Variants in SATB2 observed in about 807,000 individuals in gnomAD.
SATB2 encodes the protein SATB homeobox 2.
Under a neutral mutation model 73.4 loss-of-function variants are expected in SATB2, and 1 was observed. That is an observed-to-expected ratio of 0.01 (90% CI 0.00 to 0.06). The LOEUF is 0.06. Ranked by LOEUF, SATB2 falls within the 10% of genes least tolerant of loss-of-function variation. SATB2 has a pLI of 1.00. For synonymous variants in SATB2, 397 were observed against 367.0 expected (o/e 1.08, Z -0.93); for missense variants, 459 against 945.8 (o/e 0.49, Z 6.75).
At chr2:199,430,090 G>A (rs1473931963) in intron 3 of SATB2, among the ~76,000 whole-genome samples, 1 of 152,180 alleles carries the variant, frequency 6.6e-6, no homozygotes. Context: ...CAATATGAAT[G>A]AATAGCTACT....
rs1559153763 is a variant in SATB2 at position 199,308,560 on chromosome 2, A to G, written c.1740+200T>C. Among the ~76,000 whole-genome samples the G allele has an allele frequency of 1.3e-5, 2 of 151,438 alleles. No individual in the cohort carries two copies. The highest frequency in any genetic ancestry group is 2.9e-5 in the Non-Finnish European group (2 of 68,028). ...TCTTTGTGTGTGCATACACACACAC[A>G]CACGCACGCACATGCACACACACAC... is the stretch of plus-strand genomic sequence containing the variant. On this transcript the variant is annotated intron_variant, in intron 10 of 10. Transcript: ENST00000417098. This position sits in a 1 kb window ranked among gnomAD's most constrained non-coding sequence, Gnocchi z 4.6.
upstream of SATB2, among the ~76,000 whole-genome samples, chr2:199,465,479 A>G (rs921702158): frequency 3.9e-5 from 6 of 152,244 alleles, no homozygotes; most frequent in Non-Finnish European, 7.3e-5. Context: ...AAAGACTTCT[A>G]TATGATAAAA....
intron 2 of SATB2, among the ~76,000 whole-genome samples, chr2:199,443,246 T>C (rs1256056890): frequency 1.3e-5 from 2 of 151,108 alleles, no homozygotes; most frequent in Admixed American, 6.6e-5. Context: ...ATTCAAACAA[T>C]TAAAAAAAAA....
intron 3 of SATB2, among the ~76,000 whole-genome samples, chr2:199,425,281 T>C (rs1691293361): frequency 3.3e-5 from 5 of 152,210 alleles, no homozygotes; most frequent in Admixed American, 3.3e-4. Context: ...AGATGACCAG[T>C]CCCTTCCAGG....
At position 199,426,670 on chromosome 2, in the gene SATB2, A is replaced by G. The variant is rs1029405469; in HGVS notation, c.346+6668T>C. Among the ~76,000 whole-genome samples the G allele has an allele frequency of 2.0e-4, 30 of 146,480 alleles. 1 individual carries two copies. The highest frequency in any genetic ancestry group is 4.5e-4 in the African/African-American group (18 of 39,598). Reference sequence around the variant, plus strand: ...AAAACCTTTTGACTCCAGACAACATATATCTTTTAACCATTCTCTCTCAAA... The same window carrying G: ...AAAACCTTTTGACTCCAGACAACATGTATCTTTTAACCATTCTCTCTCAAA... On this transcript the variant is annotated intron_variant, in intron 3 of 10. Transcript: ENST00000417098.
chr2:199,444,300 G>A (rs1574635224), intron 2 of SATB2, among the ~76,000 whole-genome samples: 1 of 152,038 alleles, frequency 6.6e-6, no homozygotes, highest in African/African-American at 2.4e-5. Flanking sequence ...TACTGCCTTT[G>A]AGAAGTGTTA....
chr2:199,400,000 C>T (rs1330862218), intron 3 of SATB2, among the ~76,000 whole-genome samples: 1 of 152,150 alleles, frequency 6.6e-6, no homozygotes, highest in Non-Finnish European at 1.5e-5. Flanking sequence ...CACTGGGATC[C>T]AAGTCTGCCT....
At chr2:199,338,449 A>C (rs901100456) in intron 7 of SATB2, among the ~76,000 whole-genome samples, 2 of 152,106 alleles carry the variant, frequency 1.3e-5, no homozygotes, top group Admixed American at 1.3e-4. Context: ...CTCATTGAGG[A>C]TAGAGACCTC....
chr2:199,377,660 A>C (rs937533610), intron 5 of SATB2, among the ~76,000 whole-genome samples: 1 of 152,120 alleles, frequency 6.6e-6, no homozygotes, highest in African/African-American at 2.4e-5. Context: ...GGTCTTTATG[A>C]TATGGAGTCC....
At chr2:199,379,446 C>T (rs1689699230) in intron 5 of SATB2, among the ~76,000 whole-genome samples, 1 of 152,124 alleles carries the variant, frequency 6.6e-6, no homozygotes, top group African/African-American at 2.4e-5. Context: ...GCATGGCTGA[C>T]TCATCCAGCT....
intron 10 of SATB2, among the ~76,000 whole-genome samples, chr2:199,292,501 T>C (rs1692898370): frequency 6.6e-6 from 1 of 152,222 alleles, no homozygotes. Context: ...AGTTTAAATG[T>C]CTAGTAGTGT....
chr2:199,281,886 T>C (rs1399965643), intron 10 of SATB2, among the ~76,000 whole-genome samples: 1 of 149,462 alleles, frequency 6.7e-6, no homozygotes, highest in African/African-American at 2.4e-5. Flanking sequence ...CTCTCTCTTT[T>C]TTTTTTTTTT....
At chr2:199,424,587 A>C (rs2105917777) in intron 3 of SATB2, among the ~76,000 whole-genome samples, 1 of 152,352 alleles carries the variant, frequency 6.6e-6, no homozygotes, top group South Asian at 2.1e-4. Flanking sequence ...TGGACAAAGT[A>C]TTAAAATGTA....
intron 6 of SATB2, among the ~76,000 whole-genome samples, chr2:199,352,919 A>C (rs1253700261): frequency 6.6e-6 from 1 of 152,124 alleles, no homozygotes; most frequent in African/African-American, 2.4e-5. Context: ...ATCTGCCCAT[A>C]GGCTACCAGT....
chr2:199,343,143 C>T (rs972374141), intron 7 of SATB2, among the ~76,000 whole-genome samples: 13 of 151,174 alleles, frequency 8.6e-5, no homozygotes, highest in Admixed American at 5.3e-4. Context: ...CACACATACA[C>T]GATTTGTTCT....
intron 9 of SATB2, among the ~76,000 whole-genome samples, chr2:199,310,018 A>C (rs1183389676): frequency 6.6e-6 from 1 of 152,066 alleles, no homozygotes; most frequent in Non-Finnish European, 1.5e-5. Flanking sequence ...CCTTTACCCC[A>C]AAAAAGGCAA....
intron 9 of SATB2, 84 bp downstream of exon 9, chr2:199,323,719 T>C (rs1687955179): frequency 3.0e-6 from 4 of 1,328,400 alleles, no homozygotes; most frequent in South Asian, 2.4e-5. Flanking sequence ...ATTATTATTA[T>C]AGGAACAGAT....
chr2:199,332,886 T>G (rs1290522610), intron 7 of SATB2, among the ~76,000 whole-genome samples: 6 of 152,126 alleles, frequency 3.9e-5, no homozygotes, highest in Non-Finnish European at 8.8e-5. Flanking sequence ...AAATTACCTT[T>G]GATGGGCCTT....
intron 6 of SATB2, among the ~76,000 whole-genome samples, chr2:199,367,312 G>C (rs1000302467): frequency 3.9e-5 from 6 of 152,120 alleles, no homozygotes; most frequent in African/African-American, 1.4e-4. Flanking sequence ...AAGAATTTTA[G>C]AGTCTGTTGA....
Sources: gnomAD v4.1 joint callset for allele counts (sites outside exome capture counted in the v4.1 genomes callset) on GRCh38, gnomAD v4.1.1 for gene constraint, Gnocchi (gnomAD v3.1) non-coding constraint, MANE v1.5 for transcripts, NCBI Gene and HGNC (gene_info 2026-07-23, HGNC 2026-07-21) for gene names.